ECM2: variants seen among roughly 807,000 people sequenced by gnomAD.
ECM2 encodes the protein extracellular matrix protein 2, female organ and adipocyte specific.
Under a neutral mutation model 67.5 loss-of-function variants are expected in ECM2, and 57 were observed. That is an observed-to-expected ratio of 0.84 (90% CI 0.68 to 1.05). The LOEUF (loss-of-function observed/expected upper bound fraction) is 1.05, where lower values mean the gene tolerates loss of function less well. Ranked by LOEUF, ECM2 falls within the 50% of genes least tolerant of loss-of-function variation. ECM2 has a pLI of 0.00. For synonymous variants in ECM2, 258 were observed against 294.5 expected (o/e 0.88, Z 1.27); for missense variants, 741 against 822.8 (o/e 0.90, Z 1.22).
chr9:92,545,718 G>A, the ECM2 span, among the ~76,000 whole-genome samples: 9 of 152,260 alleles, frequency 5.9e-5, no homozygotes, highest in East Asian at 1.9e-4. Flanking sequence ...ATCCAGCTGG[G>A]CTCTTGAGTC....
chr9:92,517,777 C>A lies in ECM2; in HGVS notation c.391G>T (p.Val131Phe). ...TGGCACATGGTTTCATCACAAAGAA[C>A]TCTTCCATCTGAGCAGAGGCAGGTA... is the stretch of plus-strand genomic sequence containing the variant. ...CTTCLCSDGR[V>F]LCDETMCHPQ... is the part of the protein sequence containing the mutation. The change falls in exon 3 of 10, where the codon GTT becomes TTT. Residue 131 changes from valine to phenylalanine, a missense_variant. By Grantham distance (50) the Val-to-Phe change is conservative. Transcript: ENST00000344604. 1 of 1,614,226 alleles carries A rather than the reference C, an allele frequency of 6.2e-7. No individual in the cohort carries two copies. Among genetic ancestry groups the A allele is most frequent in the Non-Finnish European group, 8.5e-7 (1 of 1,180,046 alleles).
intron 2 of ECM2, among the ~76,000 whole-genome samples, chr9:92,520,329 C>T (rs1163173046): frequency 6.6e-6 from 1 of 151,832 alleles, no homozygotes; most frequent in Non-Finnish European, 1.5e-5. Flanking sequence ...GATATTTCTC[C>T]AAGGAAGATA....
At chr9:92,551,093 C>T in the ECM2 span, among the ~76,000 whole-genome samples, 2 of 152,080 alleles carry the variant, frequency 1.3e-5, no homozygotes, top group Non-Finnish European at 2.9e-5. Context: ...AGAGCATTTC[C>T]TGGGGAGGTG....
chr9:92,511,044 A>G (rs1847302343), intron 5 of ECM2, among the ~76,000 whole-genome samples: 1 of 152,220 alleles, frequency 6.6e-6, no homozygotes, highest in Non-Finnish European at 1.5e-5. Flanking sequence ...TGGCTTTTCA[A>G]ACATACACAT....
At chr9:92,497,773 GT>G (rs1030419987) in intron 9 of ECM2, among the ~76,000 whole-genome samples, 1 of 151,580 alleles carries the variant, frequency 6.6e-6, no homozygotes. Context: ...AGGTGTTTGG[GT>G]CATGGGGGGC....
chr9:92,536,712 C>T (rs993196568), upstream of ECM2: 1 of 152,090 alleles, frequency 6.6e-6, no homozygotes, highest in Admixed American at 6.6e-5. Context: ...TATGAGGGAC[C>T]TTGAGTAAGT....
chr9:92,511,806 T>C (rs1323623583), intron 5 of ECM2, among the ~76,000 whole-genome samples: 1 of 152,218 alleles, frequency 6.6e-6, no homozygotes, highest in Non-Finnish European at 1.5e-5. Context: ...GTTGGTGTCC[T>C]TACAGCAAAG....
intron 9 of ECM2, among the ~76,000 whole-genome samples, chr9:92,496,703 TTCTG>T: frequency 6.6e-6 from 1 of 152,252 alleles, no homozygotes; most frequent in East Asian, 1.9e-4. Flanking sequence ...GGGAGATTCT[TTCTG>T]TATGTGATTT....
chr9:92,552,978 T>A, the ECM2 span, among the ~76,000 whole-genome samples: 1 of 151,718 alleles, frequency 6.6e-6, no homozygotes, highest in East Asian at 1.9e-4. Flanking sequence ...ATTATTTTTC[T>A]TTTTTTTAAG....
At chr9:92,530,486 T>G (rs1054421576) in intron 1 of ECM2, among the ~76,000 whole-genome samples, 1 of 152,174 alleles carries the variant, frequency 6.6e-6, no homozygotes, top group Non-Finnish European at 1.5e-5. Flanking sequence ...GTAGACAGAA[T>G]ATCAATAAGG....
At chr9:92,504,546 G>T (rs1239019295) in intron 7 of ECM2, among the ~76,000 whole-genome samples, 1 of 152,058 alleles carries the variant, frequency 6.6e-6, no homozygotes, top group Admixed American at 6.5e-5. Context: ...GGTGGGGTGT[G>T]GTTTGTAGAG....
chr9:92,513,475 T>C (rs1027439682), intron 4 of ECM2, among the ~76,000 whole-genome samples: 5 of 152,146 alleles, frequency 3.3e-5, no homozygotes, highest in African/African-American at 1.2e-4. Context: ...AACACTTAGG[T>C]CCACACAAAC....
chr9:92,494,674 C>T (rs561457173), downstream of ECM2, among the ~76,000 whole-genome samples: 2 of 152,104 alleles, frequency 1.3e-5, no homozygotes, highest in African/African-American at 4.8e-5. Flanking sequence ...TTTGGGAGGC[C>T]GAGGCGGTCT....
intron 1 of ECM2, among the ~76,000 whole-genome samples, chr9:92,535,281 A>G (rs1450966891): frequency 1.3e-5 from 2 of 152,152 alleles, no homozygotes; most frequent in African/African-American, 4.8e-5. Flanking sequence ...TTAGGCCCTC[A>G]TTATTTTCAT....
At chr9:92,517,416 A>G (rs1161818451) in intron 3 of ECM2, 1 of 579,562 alleles carries the variant, frequency 1.7e-6, no homozygotes, top group East Asian at 2.9e-5. Flanking sequence ...CTGTTACCAT[A>G]TCTCTAAAGC....
the ECM2 span, among the ~76,000 whole-genome samples, chr9:92,542,919 A>G: frequency 1.3e-5 from 2 of 152,170 alleles, no homozygotes; most frequent in Non-Finnish European, 2.9e-5. Context: ...ATCTAACTTC[A>G]TTCTTTTACA....
upstream of ECM2, among the ~76,000 whole-genome samples, chr9:92,541,593 G>A (rs559570512): frequency 6.6e-6 from 1 of 151,626 alleles, no homozygotes; most frequent in Admixed American, 6.6e-5. Context: ...GTCTTTCTGT[G>A]CCTGGCTTAT....
At chr9:92,551,925 G>GTATATATATATATATA in the ECM2 span, among the ~76,000 whole-genome samples, 7 of 84,566 alleles carry the variant, frequency 8.3e-5, no homozygotes, top group Non-Finnish European at 1.5e-4. Flanking sequence ...TGGTGTGTGT[G>GTATATATATATATATA]TATATATATA....
At chr9:92,510,186 C>A in intron 5 of ECM2, 152 bp from the exon 6 acceptor site, 1 of 727,184 alleles carries the variant, frequency 1.4e-6, no homozygotes, top group Non-Finnish European at 2.1e-6. Context: ...CCTTATTCCC[C>A]CTGCCAGGTT....
Sources: gnomAD v4.1 joint callset for allele counts (sites outside exome capture counted in the v4.1 genomes callset) on GRCh38, gnomAD v4.1.1 for gene constraint, MANE v1.5 for transcripts, NCBI Gene and HGNC (gene_info 2026-07-23, HGNC 2026-07-21) for gene names.